The following PLSCR2 variants were observed in gnomAD, a reference collection of about 807,000 sequenced individuals.
PLSCR2 encodes phospholipid scramblase 2.
PLSCR2 carries 18 observed loss-of-function variants against 25.3 expected under a neutral mutation model. The observed-to-expected ratio is 0.71, with a 90% CI of 0.49 to 1.06. The LOEUF (loss-of-function observed/expected upper bound fraction) is 1.06, where lower values mean the gene tolerates loss of function less well. PLSCR2 is among the 50% of genes least tolerant of loss of function. PLSCR2 has a pLI of 0.00. For synonymous variants in PLSCR2, 88 were observed against 87.3 expected, an observed-to-expected ratio of 1.01 and a Z score of -0.04; for missense variants, 243 against 269.5, an observed-to-expected ratio of 0.90 and a Z score of 0.69.
chr3:146,398,140 G>T (rs1470468382), intron 2 of PLSCR2, among the ~76,000 whole-genome samples: 2 of 151,794 alleles, frequency 1.3e-5, no homozygotes, highest in Non-Finnish European at 3.0e-5. Context: ...GAATCTTCAG[G>T]TTTGAATAAA....
At chr3:146,422,296 T>C (rs902067731) in intron 2 of PLSCR2, among the ~76,000 whole-genome samples, 2 of 152,076 alleles carry the variant, frequency 1.3e-5, no homozygotes, top group African/African-American at 4.8e-5. Context: ...AGATTTTGAG[T>C]CACAGATTAA....
At chr3:146,428,855 A>G (rs926967803), downstream of PLSCR2, among the ~76,000 whole-genome samples, 2 of 152,246 alleles carry the variant, frequency 1.3e-5, no homozygotes, top group Non-Finnish European at 2.9e-5. Context: ...TATGCCATTA[A>G]AAGTTGCAAA....
intron 1 of PLSCR2, chr3:146,469,094 T>G (rs1263502176): frequency 1.0e-6 from 1 of 983,358 alleles, no homozygotes; most frequent in Non-Finnish European, 1.2e-6. Flanking sequence ...CGGACTTCAT[T>G]GAATACTTAC....
intron 6 of PLSCR2, among the ~76,000 whole-genome samples, chr3:146,443,445 A>T (rs953610832): frequency 1.3e-5 from 2 of 151,466 alleles, no homozygotes; most frequent in Admixed American, 1.3e-4. Context: ...CTTATTACTT[A>T]TTGACTGTTC....
intron 3 of PLSCR2, among the ~76,000 whole-genome samples, chr3:146,456,561 TTATC>T (rs1374524819): frequency 6.6e-6 from 1 of 152,206 alleles, no homozygotes; most frequent in Non-Finnish European, 1.5e-5. Context: ...CTTAAGCTGT[TTATC>T]TATAAAATGA....
chr3:146,478,197 A>G (rs1016907600), intron 1 of PLSCR2, among the ~76,000 whole-genome samples: 1 of 152,248 alleles, frequency 6.6e-6, no homozygotes, highest in Non-Finnish European at 1.5e-5. Context: ...AAGGATCGCA[A>G]CTGCTCACCA....
At chr3:146,463,605 C>G (rs2041728990), upstream of PLSCR2, among the ~76,000 whole-genome samples, 1 of 152,172 alleles carries the variant, frequency 6.6e-6, no homozygotes, top group Admixed American at 6.5e-5. Context: ...CTTTTCATGA[C>G]TGTTAATTAC....
intron 6 of PLSCR2, among the ~76,000 whole-genome samples, chr3:146,444,915 G>A (rs1316604829): frequency 1.3e-5 from 2 of 151,742 alleles, no homozygotes; most frequent in Non-Finnish European, 2.9e-5. Flanking sequence ...TTTTGATTCT[G>A]TATGTATCTT....
At chr3:146,398,533 A>T (rs2038351797) in intron 2 of PLSCR2, 1 of 151,372 alleles carries the variant, frequency 6.6e-6, no homozygotes, top group African/African-American at 2.4e-5. Context: ...TTAAAAAGCA[A>T]ATAGTTACAA....
downstream of PLSCR2, among the ~76,000 whole-genome samples, chr3:146,431,466 C>A (rs2039543139): frequency 6.6e-6 from 1 of 152,150 alleles, no homozygotes; most frequent in Non-Finnish European, 1.5e-5. Context: ...ATGATTAAAG[C>A]AGCAAGTTGG....
At chr3:146,485,067 G>A (rs776624257) in intron 1 of PLSCR2, among the ~76,000 whole-genome samples, 2 of 151,548 alleles carry the variant, frequency 1.3e-5, no homozygotes, top group Non-Finnish European at 2.9e-5. Flanking sequence ...GACACACACA[G>A]GCTCAAAATA....
chr3:146,469,519 A>G (rs2042023769), intron 1 of PLSCR2: 3 of 985,384 alleles, frequency 3.0e-6, no homozygotes, highest in Non-Finnish European at 3.6e-6. Flanking sequence ...GCTCCCGCAC[A>G]GCCCTGAGCG....
At position 146,449,287 on chromosome 3, in the gene PLSCR2, A is replaced by T. The variant is rs1397541858; in HGVS notation, c.564T>A (p.Asp188Glu). 2.5e-6 allele frequency: 4 copies of T among 1,612,214 alleles called. No homozygotes were observed. The South Asian group carries it at 4.4e-5, about 18-fold the overall frequency. Reference sequence around the variant, plus strand: ...GGAATTGGATTCCAAAGTTGTCAGCATCAGTAAATGCCTCTCTTAAAAACC... The same window carrying T: ...GGAATTGGATTCCAAAGTTGTCAGCTTCAGTAAATGCCTCTCTTAAAAACC... Residue 188 changes from aspartate to glutamate, a missense_variant, in exon 6 of 7, where the codon GAT (aspartate) becomes GAA (glutamate). By Grantham distance (45) the Asp-to-Glu change is conservative. Coordinates refer to ENST00000610787, the Ensembl canonical transcript of PLSCR2.
chr3:146,475,259 C>A (rs1024140980), intron 1 of PLSCR2, among the ~76,000 whole-genome samples: 7 of 151,988 alleles, frequency 4.6e-5, no homozygotes, highest in African/African-American at 1.7e-4. Context: ...TTCACTGATT[C>A]TTTCTCATCT....
chr3:146,434,977 T>A (rs2039752921), intron 8 of PLSCR2, among the ~76,000 whole-genome samples: 2 of 138,944 alleles, frequency 1.4e-5, no homozygotes, highest in Non-Finnish European at 3.1e-5. Context: ...TGTGTCCAAG[T>A]GTTCTCATTA....
chr3:146,434,380 GCCTAT>G (rs2108146318), intron 8 of PLSCR2, among the ~76,000 whole-genome samples: 1 of 152,096 alleles, frequency 6.6e-6, no homozygotes, highest in South Asian at 2.1e-4. Context: ...AAATATGTAT[GCCTAT>G]TTATTCATGA....
chr3:146,483,248 G>A (rs547385680), intron 1 of PLSCR2, among the ~76,000 whole-genome samples: 347 of 133,432 alleles, frequency 2.6e-3, no homozygotes, highest in Non-Finnish European at 4.5e-3. Flanking sequence ...CAGACACTTC[G>A]TAGGTGGGAA....
At chr3:146,438,579 A>G (rs1435598850), downstream of PLSCR2, among the ~76,000 whole-genome samples, 1 of 152,092 alleles carries the variant, frequency 6.6e-6, no homozygotes, top group Non-Finnish European at 1.5e-5. Flanking sequence ...CTGTTTTATC[A>G]GAGTCTAGGA....
intron 2 of PLSCR2, among the ~76,000 whole-genome samples, chr3:146,427,599 T>A (rs772309471): frequency 2.6e-5 from 4 of 152,238 alleles, no homozygotes; most frequent in Non-Finnish European, 5.9e-5. Flanking sequence ...AGGACCGATG[T>A]GAACTCTGTC....
Sources: gnomAD v4.1 joint callset for allele counts (sites outside exome capture counted in the v4.1 genomes callset) on GRCh38, gnomAD v4.1.1 for gene constraint, MANE v1.5 for transcripts, NCBI Gene and HGNC (gene_info 2026-07-23, HGNC 2026-07-21) for gene names.